Variants in PPP4R3B observed in about 807,000 individuals in gnomAD.
PPP4R3B encodes serine/threonine-protein phosphatase 4 regulatory subunit 3B.
In PPP4R3B, 52 loss-of-function variants were observed where a neutral mutation model predicts 95.4. The observed-to-expected ratio is 0.54, with a 90% confidence interval of 0.44 to 0.69. The LOEUF is 0.69. PPP4R3B is among the 30% of genes least tolerant of loss of function. PPP4R3B has a pLI of 0.00. For synonymous variants in PPP4R3B, 407 were observed against 343.9 expected, an observed-to-expected ratio of 1.18 and a Z score of -2.03; for missense variants, 1,003 against 1,005.9, an observed-to-expected ratio of 1.00 and a Z score of 0.04.
chr2:55,601,579 A>C (rs886238171), intron 3 of PPP4R3B, among the ~76,000 whole-genome samples: 1 of 151,974 alleles, frequency 6.6e-6, no homozygotes, highest in Non-Finnish European at 1.5e-5. Flanking sequence ...ACGGGGTTTC[A>C]CTGTGTTAGC....
At chr2:55,560,129 A>C (rs1686395999) in intron 15 of PPP4R3B, among the ~76,000 whole-genome samples, 1 of 152,190 alleles carries the variant, frequency 6.6e-6, no homozygotes, top group South Asian at 2.1e-4. Flanking sequence ...CTCAAAAAAA[A>C]AGATACCTGA....
chr2:55,612,202 G>T (rs1231543483), intron 2 of PPP4R3B, among the ~76,000 whole-genome samples: 1 of 152,130 alleles, frequency 6.6e-6, no homozygotes, highest in Non-Finnish European at 1.5e-5. Context: ...AGGAGTTCAA[G>T]CTCAGCCTGG....
chr2:55,590,972 A>C (rs992883162), intron 4 of PPP4R3B, among the ~76,000 whole-genome samples: 1 of 152,196 alleles, frequency 6.6e-6, no homozygotes, highest in African/African-American at 2.4e-5. Context: ...TGAATCACTT[A>C]ATTAGTCTGA....
intron 3 of PPP4R3B, among the ~76,000 whole-genome samples, chr2:55,603,709 A>T (rs1051866184): frequency 6.6e-6 from 1 of 152,206 alleles, no homozygotes; most frequent in Admixed American, 6.5e-5. Flanking sequence ...TGGTTTGCTT[A>T]AAGTACTTGC....
intron 6 of PPP4R3B, among the ~76,000 whole-genome samples, chr2:55,585,874 A>G (rs149973749): frequency 2.4e-3 from 358 of 152,270 alleles, no homozygotes; most frequent in African/African-American, 8.1e-3. Flanking sequence ...ATAATAATAA[A>G]TAACACTGAG....
intron 1 of PPP4R3B, among the ~76,000 whole-genome samples, chr2:55,616,277 C>T (rs782590): frequency 0.44 from 66,843 of 151,908 alleles, 15,636 homozygotes; most frequent in Non-Finnish European, 0.51. Context: ...TTATCCTTTC[C>T]TCATTAAGAA....
At chr2:55,557,728 C>T (rs894606778) in intron 16 of PPP4R3B, among the ~76,000 whole-genome samples, 1 of 151,992 alleles carries the variant, frequency 6.6e-6, no homozygotes, top group African/African-American at 2.4e-5. Context: ...TATGTACTAC[C>T]ACGGTGTTTC....
chr2:55,605,708 C>T (rs777660636), intron 2 of PPP4R3B, among the ~76,000 whole-genome samples: 1 of 152,048 alleles, frequency 6.6e-6, no homozygotes, highest in Non-Finnish European at 1.5e-5. Flanking sequence ...GAGATGAAGA[C>T]CATCCTGGCC....
At chr2:55,560,564 G>C (rs1194908457) in intron 15 of PPP4R3B, among the ~76,000 whole-genome samples, 37 of 152,200 alleles carry the variant, frequency 2.4e-4, no homozygotes, top group African/African-American at 8.4e-4. Context: ...GGATCACGAA[G>C]TCAGGAGTTG....
intron 1 of PPP4R3B, among the ~76,000 whole-genome samples, chr2:55,615,875 A>AAAAAAAAAAAAAAAAAAAAAAAAAAAAAC (rs1277581464): frequency 6.7e-6 from 1 of 148,444 alleles, no homozygotes; most frequent in African/African-American, 2.5e-5. Context: ...AAAAAAAAAA[A>AAAAAAAAAAAAAAAAAAAAAAAAAAAAAC]AAAAAAATAC....
intron 16 of PPP4R3B, among the ~76,000 whole-genome samples, chr2:55,552,564 T>C (rs1221302103): frequency 1.1e-4 from 17 of 152,140 alleles, no homozygotes; most frequent in Non-Finnish European, 1.8e-4. Flanking sequence ...TGGCTAACTT[T>C]TGTATTTTTA....
In PPP4R3B at chr2:55,547,890, C is replaced by G. The variant is rs919103712; in HGVS notation, c.*2021G>C. The G allele has an allele frequency of 2.6e-5, 4 of 152,186 alleles. No homozygotes were observed. Among genetic ancestry groups the G allele is most frequent in the Non-Finnish European group, 5.9e-5 (4 of 68,046 alleles). The allele number at this position is 152,186 out of a possible 1,614,324, so 9.4% of individuals were successfully genotyped here. A position where few individuals can be genotyped will look rare whatever the true frequency, so the allele number is the denominator to read the frequency against. ...CCGAAATCGTGCAACTACACTCCAGCCTGGGCAACAGAGCGAGACTCAAAC... is the reference window on the plus strand; with the variant it reads ...CCGAAATCGTGCAACTACACTCCAGGCTGGGCAACAGAGCGAGACTCAAAC... On this transcript the variant is annotated 3_prime_UTR_variant, in exon 17 of 17. Coordinates refer to ENST00000616407, the MANE Select transcript of PPP4R3B (RefSeq NM_001122964.3).
chr2:55,616,029 T>C (rs1272998082), intron 1 of PPP4R3B, among the ~76,000 whole-genome samples: 2 of 150,944 alleles, frequency 1.3e-5, no homozygotes, highest in Non-Finnish European at 2.9e-5. Flanking sequence ...CCTATTCCCA[T>C]ACACCCTTAA....
At chr2:55,615,375 T>C (rs1572763283) in intron 2 of PPP4R3B, 76 bp downstream of exon 2, 2 of 1,056,272 alleles carry the variant, frequency 1.9e-6, no homozygotes, top group Non-Finnish European at 2.8e-6. Flanking sequence ...TCAGGAAAGC[T>C]TTCCCACCTT....
chr2:55,609,748 GA>G (rs1164171172), intron 2 of PPP4R3B, among the ~76,000 whole-genome samples: 2 of 145,780 alleles, frequency 1.4e-5, no homozygotes, highest in Admixed American at 1.4e-4. Flanking sequence ...GGATGGAAAA[GA>G]AAAAAAAAGC....
chr2:55,554,135 G>T (rs1414995650), intron 16 of PPP4R3B, among the ~76,000 whole-genome samples: 2 of 152,142 alleles, frequency 1.3e-5, no homozygotes, highest in Admixed American at 1.3e-4. Flanking sequence ...TGTGATCTCG[G>T]CTTATTGCAA....
rs35232864 is a variant in PPP4R3B, at chr2:55,579,776, G to A, written c.1371C>T (p.Thr457=). Residue 457 remains threonine, a synonymous_variant, in exon 9 of 17, where the codon ACC becomes ACT. Transcript: ENST00000616407. ...AAAAATTTAGAAATTCACTTTTTTC[G>A]GTTTTCTGAAACATAGAATTTTTTA... ...PENMLATTNK[T]EKSEFLNFFY... The A allele has an allele frequency of 0.05, 79,418 of 1,591,910 alleles. 2,380 individuals carry two copies. The highest frequency in any genetic ancestry group is 0.083 in the South Asian group (7,306 of 88,170).
chr2:55,554,560 G>A (rs1030003652), intron 16 of PPP4R3B, among the ~76,000 whole-genome samples: 1 of 152,186 alleles, frequency 6.6e-6, no homozygotes, highest in African/African-American at 2.4e-5. Context: ...CTTCTTTGCA[G>A]AAATGTCTGT....
intron 1 of PPP4R3B, chr2:55,616,739 T>A (rs782592): frequency 0.61 from 93,619 of 152,414 alleles, 29,607 homozygotes; most frequent in African/African-American, 0.69. Flanking sequence ...TTTTTTTTTT[T>A]AAAAACACTC....
Sources: allele counts gnomAD v4.1 joint callset (sites outside exome capture counted in the v4.1 genomes callset), GRCh38; gene constraint gnomAD v4.1.1; transcripts MANE v1.5; gene names NCBI Gene and HGNC (gene_info 2026-07-23, HGNC 2026-07-21).